Variants in ERBIN observed in about 807,000 individuals in gnomAD.
ERBIN encodes erbb2 interacting protein.
Under a neutral mutation model 158.4 loss-of-function variants are expected in ERBIN, and 60 were observed. The observed-to-expected ratio is 0.38, with a 90% CI of 0.31 to 0.47. ERBIN has a LOEUF of 0.47. Ranked by LOEUF, ERBIN falls within the 20% of genes least tolerant of loss-of-function variation. ERBIN has a pLI of 0.99. For missense variants in ERBIN, 1,610 were observed against 1,648.0 expected (o/e 0.98, Z 0.40); for synonymous variants, 594 against 557.2 (o/e 1.07, Z -0.93).
intron 1 of ERBIN, among the ~76,000 whole-genome samples, chr5:65,962,525 G>A (rs1163995535): frequency 2.0e-5 from 3 of 152,122 alleles, no homozygotes; most frequent in African/African-American, 7.2e-5. Context: ...CTATAACATA[G>A]TGTGTTAAAT....
chr5:65,948,762 G>GT (rs59712256), intron 1 of ERBIN, among the ~76,000 whole-genome samples: 2,385 of 105,538 alleles, frequency 0.023, 283 homozygotes, highest in African/African-American at 0.074. Flanking sequence ...TCTGTTTTGC[G>GT]TTTTTTTTTT....
intron 21 of ERBIN, among the ~76,000 whole-genome samples, chr5:66,062,816 G>C (rs991477940): frequency 2.6e-5 from 4 of 152,206 alleles, no homozygotes; most frequent in African/African-American, 9.6e-5. Context: ...TCCAGACCCT[G>C]TTTGCCTGGG....
chr5:65,940,910 T>C (rs1458106719), intron 1 of ERBIN, among the ~76,000 whole-genome samples: 1 of 152,130 alleles, frequency 6.6e-6, no homozygotes, highest in East Asian at 1.9e-4. Flanking sequence ...AGAAATTGGA[T>C]GGTTGCCATG....
At chr5:65,958,104 C>T (rs1257978539) in intron 1 of ERBIN, among the ~76,000 whole-genome samples, 3 of 151,532 alleles carry the variant, frequency 2.0e-5, no homozygotes, top group Non-Finnish European at 2.9e-5. Flanking sequence ...GATGGGATGG[C>T]GGCCGGGAAG....
Position 66,079,279 on chromosome 5 carries a change from G to A in ERBIN, c.*749G>A, listed in dbSNP as rs1762267064. Reference sequence around the variant, plus strand: ...AGCCATTGACTATACATTTGCTACTGGTGATTCAGTTTTTAATTTTTTAGT... The same window carrying A: ...AGCCATTGACTATACATTTGCTACTAGTGATTCAGTTTTTAATTTTTTAGT... On this transcript the variant is annotated 3_prime_UTR_variant, in exon 26 of 26. Transcript: ENST00000284037. The A allele has an allele frequency of 6.6e-6, 1 of 152,218 alleles. No homozygotes were observed. Among genetic ancestry groups the A allele is most frequent in the Non-Finnish European group, 1.5e-5 (1 of 67,974 alleles). The allele number at this position is 152,218 out of a possible 1,614,324, so 9.4% of individuals were successfully genotyped here.
intron 25 of ERBIN, among the ~76,000 whole-genome samples, chr5:66,077,759 TACACACACACACACAC>T (rs70987111): frequency 4.3e-5 from 6 of 139,382 alleles, no homozygotes; most frequent in Admixed American, 1.4e-4. Flanking sequence ...TCCCTCCCTC[TACACACACACACACAC>T]ACACACACAC....
intron 1 of ERBIN, among the ~76,000 whole-genome samples, chr5:65,940,485 C>A (rs762056893): frequency 7.7e-5 from 10 of 129,982 alleles, no homozygotes; most frequent in East Asian, 2.2e-4. Flanking sequence ...GTCCCCCCCC[C>A]CCCGGCCAGC....
intron 1 of ERBIN, among the ~76,000 whole-genome samples, chr5:65,956,897 C>T (rs1240939327): frequency 6.6e-6 from 1 of 152,042 alleles, no homozygotes; most frequent in Non-Finnish European, 1.5e-5. Context: ...ACACCCAAAA[C>T]GGGGATTTTG....
rs377418030 is a variant in ERBIN, at chr5:65,939,531, TC to T, written c.-58+12731del. On this transcript the variant is annotated intron_variant, in intron 1 of 25. Coordinates refer to ENST00000284037, the MANE Select transcript of ERBIN (RefSeq NM_001253697.2). ...CTCCCTCTCCCTCTCCCTTTCCCTC[TC>T]CCCCCTCTCCCTCTCCCCACGGTCT... Among the ~76,000 whole-genome samples the T allele has an allele frequency of 7.1e-3, 1,000 of 140,168 alleles. 8 individuals are homozygous for T. Among genetic ancestry groups the T allele is most frequent in the African/African-American group, 0.031 (948 of 30,682 alleles). The allele number at this position is 140,168 out of a possible 152,430, so 92.0% of individuals were successfully genotyped here.
intron 7 of ERBIN, 75 bp from the exon 8 acceptor site, chr5:66,021,247 G>T: frequency 2.3e-6 from 2 of 860,306 alleles, no homozygotes; most frequent in Non-Finnish European, 3.7e-6. Context: ...CCATAAGAAT[G>T]TTTTAGACTG....
intron 7 of ERBIN, among the ~76,000 whole-genome samples, chr5:66,018,903 G>A (rs1755372846): frequency 1.3e-5 from 2 of 151,792 alleles, no homozygotes; most frequent in African/African-American, 4.8e-5. Context: ...CCAAAGTGCT[G>A]GGATTACAGG....
intron 1 of ERBIN, among the ~76,000 whole-genome samples, chr5:65,959,093 A>G (rs1747628836): frequency 6.6e-6 from 1 of 152,236 alleles, no homozygotes; most frequent in Non-Finnish European, 1.5e-5. Context: ...GTGTTGTCAA[A>G]TTGTCATCAA....
chr5:66,061,951 A>G (rs1023640852), intron 21 of ERBIN, among the ~76,000 whole-genome samples: 34 of 152,322 alleles, frequency 2.2e-4, no homozygotes, highest in African/African-American at 6.5e-4. Flanking sequence ...GGGTAACCCA[A>G]CCTTTCTCTC....
At chr5:65,964,741 CTTTTTTTTT>C (rs70987103) in intron 1 of ERBIN, among the ~76,000 whole-genome samples, 2 of 119,468 alleles carry the variant, frequency 1.7e-5, no homozygotes, top group East Asian at 2.4e-4. Flanking sequence ...CCAGAGCAAT[CTTTTTTTTT>C]TTTTTTTTTT....
chr5:66,022,026 A>C (rs1561386561), intron 8 of ERBIN, among the ~76,000 whole-genome samples: 1 of 151,940 alleles, frequency 6.6e-6, no homozygotes, highest in East Asian at 1.9e-4. Context: ...TAAACTTTTA[A>C]ATTAGTTTAC....
At chr5:66,042,431 A>AT (rs879264845) in intron 15 of ERBIN, among the ~76,000 whole-genome samples, 45 of 150,930 alleles carry the variant, frequency 3.0e-4, no homozygotes, top group Non-Finnish European at 4.6e-4. Context: ...TCAGGTTTTG[A>AT]TTTTTTTTTG....
chr5:66,039,353 T>TA (rs1395118706), intron 15 of ERBIN, among the ~76,000 whole-genome samples: 3 of 151,940 alleles, frequency 2.0e-5, no homozygotes, highest in African/African-American at 4.8e-5. Flanking sequence ...ATGCTTAACT[T>TA]ACGCTAGTAT....
Position 66,026,545 on chromosome 5 carries a change from GTTA to G in ERBIN, c.1136+131_1136+133del, listed in dbSNP as rs1295756884. ...TAAATATACATAGTAAGTTCTCAGT[GTTA>G]TTGATAGGCTCTTGGAAAGTGTGAC... On this transcript the variant is annotated intron_variant, in intron 13 of 25. Coordinates refer to ENST00000284037, the MANE Select transcript of ERBIN (RefSeq NM_001253697.2). 9.5e-6 allele frequency: 4 copies of G among 422,478 alleles called. No homozygotes were observed. The East Asian group carries it at 1.5e-4, about 16-fold the overall frequency. 26.2% of individuals were successfully genotyped at this position (422,478 alleles called of 1,614,324 possible).
intron 7 of ERBIN, among the ~76,000 whole-genome samples, chr5:66,017,562 A>G (rs187498654): frequency 9.9e-4 from 141 of 142,872 alleles, no homozygotes; most frequent in African/African-American, 3.4e-3. Context: ...AGCTTCTTAT[A>G]TATTCTAATT....
Sources: allele counts gnomAD v4.1 joint callset (sites outside exome capture counted in the v4.1 genomes callset), GRCh38; gene constraint gnomAD v4.1.1; transcripts MANE v1.5; gene names NCBI Gene and HGNC (gene_info 2026-07-23, HGNC 2026-07-21).